CD180: variants seen among roughly 807,000 people sequenced by gnomAD.
The protein encoded by CD180 is CD180 molecule.
In CD180, 11 loss-of-function variants were observed where a neutral mutation model predicts 10.7. The ratio of observed to expected loss-of-function variants is 1.03; its 90% CI spans 0.65 to 1.70. The LOEUF is 1.70. Among genes scored for constraint, CD180 ranks in the 40% most tolerant of loss-of-function variants. The probability of loss-of-function intolerance (pLI) is 0.00; values close to 1 mark genes in which losing one functional copy is unlikely to be tolerated. For missense variants in CD180, 729 were observed against 775.2 expected (o/e 0.94, Z 0.71); for synonymous variants, 286 against 294.6 (o/e 0.97, Z 0.30).
At position 67,182,827 on chromosome 5, in the gene CD180, C is replaced by T. The variant is rs2151164796; in HGVS notation, c.*30G>A. 3.2e-6 allele frequency: 5 copies of T among 1,550,004 alleles called. No homozygotes were observed. Among genetic ancestry groups the T allele is most frequent in the Non-Finnish European group, 4.4e-6 (5 of 1,148,524 alleles). On this transcript the variant is annotated 3_prime_UTR_variant, in exon 3 of 3. Coordinates refer to ENST00000256447, the MANE Select transcript of CD180 (RefSeq NM_005582.3). ...ACTTAGAGCAATTTTGCTAAGCACACTTATTTGCTTTCTCTGGAAACCTTC... is the reference window on the plus strand; with the variant it reads ...ACTTAGAGCAATTTTGCTAAGCACATTTATTTGCTTTCTCTGGAAACCTTC...
chr5:67,186,371 A>G (rs1742194273), intron 1 of CD180: 1 of 162,992 alleles, frequency 6.1e-6, no homozygotes, highest in African/African-American at 2.4e-5. Flanking sequence ...AAAATGCAGA[A>G]CAATATATGT....
rs1742132408 is a variant in CD180 at position 67,184,207 on chromosome 5, T to C, written c.636A>G (p.Lys212=). The C allele has an allele frequency of 6.8e-6, 11 of 1,614,142 alleles. No individual in the cohort carries two copies. The highest frequency in any genetic ancestry group is 9.3e-6 in the Non-Finnish European group (11 of 1,180,016). The change falls in exon 3 of 3, where the codon AAA becomes AAG. Residue 212 remains lysine (K), a synonymous_variant. Coordinates refer to ENST00000256447, the MANE Select transcript of CD180 (RefSeq NM_005582.3). The part of the protein sequence containing the change: ...LSLNFNGNNV[K]GIELGAFDST... ...AATCAAAAGCCCCAAGCTCAATACCTTTAACATTATTGCCATTGAAGTTCA... is the reference window on the plus strand; with the variant it reads ...AATCAAAAGCCCCAAGCTCAATACCCTTAACATTATTGCCATTGAAGTTCA...
At position 67,183,130 on chromosome 5, in the gene CD180, G is replaced by T. The variant is rs780632795; in HGVS notation, c.1713C>A (p.Thr571=). ...RLLPILSQQS[T]INLSHNPLDC... is the part of the protein sequence containing the mutation. ...CCAGGGGGTTATGACTTAAATTAATGGTGCTCTGCTGGGACAAGATAGGGA... is the reference window on the plus strand; with the variant it reads ...CCAGGGGGTTATGACTTAAATTAATTGTGCTCTGCTGGGACAAGATAGGGA... The change falls in exon 3 of 3, where the codon ACC becomes ACA. Residue 571 remains threonine (T), a synonymous_variant. Coordinates refer to ENST00000256447, the MANE Select transcript of CD180 (RefSeq NM_005582.3). The T allele has an allele frequency of 4.3e-6, 7 of 1,610,354 alleles. No individual in the cohort carries two copies. In the South Asian group the frequency reaches 7.7e-5, roughly 18 times the overall value.
intron 1 of CD180, among the ~76,000 whole-genome samples, chr5:67,195,333 C>T (rs1742379757): frequency 1.3e-5 from 2 of 152,212 alleles, no homozygotes; most frequent in Admixed American, 1.3e-4. Flanking sequence ...TCTCCTGCCT[C>T]AGCCTCCCGA....
chr5:67,186,032 A>C lies in CD180; in HGVS notation c.91-15T>G. The C allele has an allele frequency of 6.6e-7, 1 of 1,509,220 alleles. No individual in the cohort carries two copies. The highest frequency in any genetic ancestry group is 9.0e-7 in the Non-Finnish European group (1 of 1,112,086). 93.5% of individuals were successfully genotyped at this position (1,509,220 alleles called of 1,614,324 possible). A position where few individuals can be genotyped will look rare whatever the true frequency, so the allele number is the denominator to read the frequency against. ...TTGGCTTCTTTCTGATGGGAGAAAC[A>C]AAGTAAATTAATATTAGACTTAATA... On this transcript the variant is annotated splice_polypyrimidine_tract_variant and intron_variant, in intron 1 of 2. Coordinates refer to ENST00000256447, the MANE Select transcript of CD180 (RefSeq NM_005582.3).
chr5:67,188,168 C>CAAA (rs199809685), intron 1 of CD180, among the ~76,000 whole-genome samples: 8,001 of 145,780 alleles, frequency 0.055, 552 homozygotes, highest in African/African-American at 0.17. Flanking sequence ...GACTCTGCCT[C>CAAA]AAAAAGAAAA....
At chr5:67,184,876 T>C (rs143300861) in intron 2 of CD180, among the ~76,000 whole-genome samples, 1,538 of 152,238 alleles carry the variant, frequency 0.01, 32 homozygotes, top group African/African-American at 0.035. Flanking sequence ...AATCAAATTA[T>C]TATTTACTGT....
At chr5:67,196,473 G>A in intron 1 of CD180, 79 bp downstream of exon 1, 1 of 1,346,148 alleles carries the variant, frequency 7.4e-7, no homozygotes, top group Non-Finnish European at 1.1e-6. Context: ...GGGATGCCAA[G>A]GCTCAGATTG....
chr5:67,188,507 C>T (rs1742244142), intron 1 of CD180, among the ~76,000 whole-genome samples: 1 of 152,164 alleles, frequency 6.6e-6, no homozygotes, highest in South Asian at 2.1e-4. Context: ...TTCCTTGACA[C>T]ATAGGGGTTC....
In CD180 at chr5:67,181,794, T is replaced by C. The variant is rs1057364469; in HGVS notation, c.*1063A>G. The C allele has an allele frequency of 6.6e-6, 1 of 152,240 alleles. No homozygotes were observed. Among genetic ancestry groups the C allele is most frequent in the African/African-American group, 2.4e-5 (1 of 41,458 alleles). 9.4% of individuals were successfully genotyped at this position (152,240 alleles called of 1,614,324 possible). ...ATTCAGTGGTTCAGGCCCCTGTCCA[T>C]GGCTGGTGTGACCTTTGGTGACATC... On this transcript the variant is annotated 3_prime_UTR_variant, in exon 3 of 3. Coordinates refer to ENST00000256447, the MANE Select transcript of CD180 (RefSeq NM_005582.3).
chr5:67,183,699 T>C lies in CD180; in HGVS notation c.1144A>G (p.Ile382Val). The C allele has an allele frequency of 6.2e-7, 1 of 1,614,190 alleles. No homozygotes were observed. The highest frequency in any genetic ancestry group is 8.5e-7 in the Non-Finnish European group (1 of 1,180,022). The change falls in exon 3 of 3, where the codon ATA (isoleucine) becomes GTA (valine). Residue 382 changes from isoleucine (I) to valine (V), a missense_variant. Transcript: ENST00000256447. ...AGACTGCAGCAGTCAGAAGCCTCTA[T>C]GTCATTATGGCTTAAATCAAGTGTC... ...LQTLDLSHND[I>V]EASDCCSLQL...
Position 67,184,090 on chromosome 5 carries a change from C to G in CD180, c.753G>C (p.Trp251Cys). The G allele has an allele frequency of 6.2e-7, 1 of 1,614,140 alleles. No individual in the cohort carries two copies. The highest frequency in any genetic ancestry group is 8.5e-7 in the Non-Finnish European group (1 of 1,180,040). ...GLQNSTTQSL[W>C]LGTFEDIDDE... is the part of the protein sequence containing the mutation. ...CATCAATGTCCTCAAATGTTCCCAG[C>G]CAGAGAGACTGAGTAGTAGAGTTCT... Residue 251 changes from tryptophan (W) to cysteine (C), a missense_variant, in exon 3 of 3, where the codon TGG (tryptophan) becomes TGC (cysteine). Physicochemically the swap from Trp to Cys is radical, Grantham distance 215. Coordinates refer to ENST00000256447, the MANE Select transcript of CD180 (RefSeq NM_005582.3).
At position 67,184,191 on chromosome 5, in the gene CD180, C is replaced by T. The variant is rs1373235043; in HGVS notation, c.652G>A (p.Ala218Thr). Residue 218 changes from alanine (A) to threonine (T), a missense_variant, in exon 3 of 3, where the codon GCT becomes ACT. By Grantham distance (58) the Ala-to-Thr change is moderately conservative. Coordinates refer to ENST00000256447, the MANE Select transcript of CD180 (RefSeq NM_005582.3). ...GNNVKGIELG[A>T]FDSTIFQSLN... ...CTTTGGAAGATCGTTGAATCAAAAG[C>T]CCCAAGCTCAATACCTTTAACATTA... 25 of 1,613,888 alleles carry T rather than the reference C, an allele frequency of 1.5e-5. No individual in the cohort carries two copies. The highest frequency in any genetic ancestry group is 1.7e-5 in the Non-Finnish European group (20 of 1,179,936).
intron 1 of CD180, among the ~76,000 whole-genome samples, chr5:67,196,351 T>G (rs2151169976): frequency 6.6e-6 from 1 of 152,282 alleles, no homozygotes; most frequent in East Asian, 1.9e-4. Flanking sequence ...TCTCTTTGCT[T>G]CCTATTAAGA....
Position 67,182,961 on chromosome 5 carries a change from T to C in CD180, c.1882A>G (p.Thr628Ala), listed in dbSNP as rs75456095. The C allele has an allele frequency of 3.1e-6, 5 of 1,614,132 alleles. No individual in the cohort carries two copies. In the African/African-American group the frequency reaches 6.7e-5, roughly 22 times the overall value. The stretch of plus-strand genomic sequence containing the variant: ...ATGAGAAAGAAAATGCCTATGGCTG[T>C]AATCCCACAGGAAAGCTTGACATCA... Reference protein sequence around the residue: ...LSDVKLSCGITAIGIFFLIVF... With the variant: ...LSDVKLSCGIAAIGIFFLIVF... The change falls in exon 3 of 3, where the codon ACA becomes GCA. Residue 628 changes from threonine (T) to alanine (A), a missense_variant. By Grantham distance (58) the Thr-to-Ala change is moderately conservative. Transcript: ENST00000256447.
At chr5:67,192,900 G>A (rs1742335828) in intron 1 of CD180, among the ~76,000 whole-genome samples, 1 of 152,130 alleles carries the variant, frequency 6.6e-6, no homozygotes, top group South Asian at 2.1e-4. Context: ...TTTAATTTTG[G>A]AACTTTCTGA....
Position 67,184,186 on chromosome 5 carries a change from A to G in CD180, c.657T>C (p.Phe219=). 6.2e-7 allele frequency: 1 copy of G among 1,614,030 alleles called. No homozygotes were observed. The highest frequency in any genetic ancestry group is 8.5e-7 in the Non-Finnish European group (1 of 1,179,926). The change falls in exon 3 of 3, where the codon TTT becomes TTC. Residue 219 remains phenylalanine, a synonymous_variant. Coordinates refer to ENST00000256447, the MANE Select transcript of CD180 (RefSeq NM_005582.3). ...NNVKGIELGA[F]DSTIFQSLNF... ...TCAAACTTTGGAAGATCGTTGAATC[A>G]AAAGCCCCAAGCTCAATACCTTTAA...
intron 1 of CD180, among the ~76,000 whole-genome samples, chr5:67,193,503 C>T (rs553560123): frequency 3.9e-5 from 6 of 152,182 alleles, no homozygotes; most frequent in Admixed American, 6.5e-5. Flanking sequence ...CAAGGGCTCC[C>T]TAAACAGCCT....
intron 1 of CD180, among the ~76,000 whole-genome samples, chr5:67,194,055 A>G (rs549873965): frequency 6.6e-6 from 1 of 152,332 alleles, no homozygotes; most frequent in African/African-American, 2.4e-5. Flanking sequence ...TTATGACAGC[A>G]AGAGAAATAT....
Sources: allele counts gnomAD v4.1 joint callset (sites outside exome capture counted in the v4.1 genomes callset), GRCh38; gene constraint gnomAD v4.1.1; transcripts MANE v1.5; gene names NCBI Gene and HGNC (gene_info 2026-07-23, HGNC 2026-07-21).